The following MGAT4C variants were observed in gnomAD, a reference collection of about 807,000 sequenced individuals.
MGAT4C encodes the protein MGAT4 family member C.
A neutral mutation model predicts 40.1 loss-of-function variants in MGAT4C; 19 were observed. The ratio of observed to expected loss-of-function variants is 0.47; its 90% CI spans 0.33 to 0.70. The LOEUF (loss-of-function observed/expected upper bound fraction) is 0.70. Ranked by LOEUF, MGAT4C falls within the 30% of genes least tolerant of loss-of-function variation. The pLI, the probability that MGAT4C is intolerant of heterozygous loss-of-function variation, is 0.02. For synonymous variants in MGAT4C, 181 were observed against 187.1 expected (o/e 0.97, Z 0.27); for missense variants, 491 against 563.2 (o/e 0.87, Z 1.30).
intron 2 of MGAT4C, among the ~76,000 whole-genome samples, chr12:86,009,813 T>C (rs960534707): frequency 6.6e-6 from 1 of 152,240 alleles, no homozygotes; most frequent in Non-Finnish European, 1.5e-5. Context: ...ATTGTCTTGC[T>C]TTCTATCTTA....
Position 85,969,944 on chromosome 12 carries a change from G to C in MGAT4C, c.*9345C>G, listed in dbSNP as rs1883539917. ...TCACACAGTGTCTCATAGTTGCTTG[G>C]AACATATTTATGTAGTAAGCATTGT... On this transcript the variant is annotated 3_prime_UTR_variant, in exon 5 of 5. Transcript: ENST00000611864. 1 of 151,318 alleles carries C rather than the reference G, an allele frequency of 6.6e-6. No individual in the cohort carries two copies. The highest frequency in any genetic ancestry group is 1.5e-5 in the Non-Finnish European group (1 of 67,468). The allele number at this position is 151,318 out of a possible 1,614,324, so 9.4% of individuals were successfully genotyped here. A position where few individuals can be genotyped will look rare whatever the true frequency, so the allele number is the denominator to read the frequency against.
intron 1 of MGAT4C, among the ~76,000 whole-genome samples, chr12:86,230,756 C>G (rs1339695539): frequency 6.6e-6 from 1 of 152,124 alleles, no homozygotes; most frequent in East Asian, 1.9e-4. Flanking sequence ...GGAATTTCAC[C>G]TCTGCCACTT....
At chr12:86,731,011 A>G (rs1466702882) in intron 1 of MGAT4C, among the ~76,000 whole-genome samples, 2 of 152,114 alleles carry the variant, frequency 1.3e-5, no homozygotes, top group Non-Finnish European at 2.9e-5. Context: ...TTGGTCAACT[A>G]GTTAGTGAGT....
chr12:86,479,761 A>T (rs1182615936), intron 2 of MGAT4C, among the ~76,000 whole-genome samples: 1 of 151,896 alleles, frequency 6.6e-6, no homozygotes, highest in African/African-American at 2.4e-5. Context: ...TTTCAAAGTT[A>T]CCTACATCTA....
intron 2 of MGAT4C, among the ~76,000 whole-genome samples, chr12:86,576,177 A>G (rs1363711613): frequency 2.0e-5 from 3 of 151,800 alleles, no homozygotes; most frequent in Admixed American, 6.6e-5. Flanking sequence ...TGATTGGATT[A>G]TTAGATTTTT....
At chr12:86,447,838 CAA>C (rs951054434) in intron 2 of MGAT4C, among the ~76,000 whole-genome samples, 2 of 152,114 alleles carry the variant, frequency 1.3e-5, no homozygotes, top group African/African-American at 4.8e-5. Flanking sequence ...CTGATCTCTC[CAA>C]GTATACTCCT....
intron 1 of MGAT4C, among the ~76,000 whole-genome samples, chr12:86,806,358 T>C (rs551642033): frequency 3.0e-4 from 46 of 152,136 alleles, no homozygotes; most frequent in Admixed American, 9.8e-4. Flanking sequence ...AACTATATTA[T>C]AAAACAACAA....
chr12:86,791,742 G>A (rs1488479719), intron 1 of MGAT4C, among the ~76,000 whole-genome samples: 2 of 152,140 alleles, frequency 1.3e-5, no homozygotes, highest in African/African-American at 4.8e-5. Context: ...CTCAGCATTA[G>A]TTCCAGAAGT....
intron 2 of MGAT4C, among the ~76,000 whole-genome samples, chr12:86,603,692 CTATA>C (rs969613797): frequency 1.6e-5 from 2 of 124,856 alleles, no homozygotes; most frequent in Non-Finnish European, 1.6e-5. Flanking sequence ...TATATATAGA[CTATA>C]TATTATCTAT....
chr12:86,308,082 T>C (rs1203242654), intron 4 of MGAT4C, among the ~76,000 whole-genome samples: 1 of 148,682 alleles, frequency 6.7e-6, no homozygotes, highest in Non-Finnish European at 1.5e-5. Flanking sequence ...TTATGTTGTA[T>C]TATTTGTATT....
intron 2 of MGAT4C, among the ~76,000 whole-genome samples, chr12:86,521,684 T>C (rs2136359987): frequency 6.6e-6 from 1 of 152,194 alleles, no homozygotes. Flanking sequence ...ATCTATAAAT[T>C]GCTTTGGGCA....
intron 2 of MGAT4C, among the ~76,000 whole-genome samples, chr12:86,003,852 C>G (rs769346373): frequency 6.6e-6 from 1 of 151,950 alleles, no homozygotes; most frequent in Non-Finnish European, 1.5e-5. Context: ...TCTTGGATTA[C>G]AGTAAAAGGC....
At chr12:86,058,021 G>T (rs949810366) in intron 1 of MGAT4C, among the ~76,000 whole-genome samples, 1 of 151,928 alleles carries the variant, frequency 6.6e-6, no homozygotes, top group East Asian at 1.9e-4. Context: ...ACACTTCTTT[G>T]CTTAATGATT....
chr12:86,215,837 T>C (rs1386024846), intron 1 of MGAT4C, among the ~76,000 whole-genome samples: 2 of 152,076 alleles, frequency 1.3e-5, no homozygotes, highest in African/African-American at 4.8e-5. Flanking sequence ...CAAAGGTACC[T>C]GTCAGGCCCA....
chr12:86,653,958 A>G (rs1037018300), intron 2 of MGAT4C, among the ~76,000 whole-genome samples: 1 of 152,150 alleles, frequency 6.6e-6, no homozygotes, highest in African/African-American at 2.4e-5. Flanking sequence ...AAATTGAATA[A>G]GAAATGTGGT....
At chr12:86,692,443 T>C (rs1950187867) in intron 2 of MGAT4C, among the ~76,000 whole-genome samples, 1 of 152,172 alleles carries the variant, frequency 6.6e-6, no homozygotes, top group Non-Finnish European at 1.5e-5. Context: ...TATTGATAAA[T>C]TTAACACATA....
chr12:86,086,384 T>C (rs1054977938), intron 1 of MGAT4C, among the ~76,000 whole-genome samples: 2 of 151,774 alleles, frequency 1.3e-5, no homozygotes, highest in Non-Finnish European at 1.5e-5. Context: ...CCGGGGCCTT[T>C]TGCGGGTGGG....
intron 3 of MGAT4C, among the ~76,000 whole-genome samples, chr12:86,410,247 T>C (rs1956576411): frequency 6.6e-6 from 1 of 152,146 alleles, no homozygotes; most frequent in Non-Finnish European, 1.5e-5. Flanking sequence ...ATCTTTTCCC[T>C]ACCCTAATAA....
At chr12:86,024,167 C>T (rs1440864515) in intron 2 of MGAT4C, among the ~76,000 whole-genome samples, 1 of 151,678 alleles carries the variant, frequency 6.6e-6, no homozygotes, top group Non-Finnish European at 1.5e-5. Flanking sequence ...ATTAACCATC[C>T]CTTCTTTCCA....
Sources: allele counts gnomAD v4.1 joint callset (sites outside exome capture counted in the v4.1 genomes callset), GRCh38; gene constraint gnomAD v4.1.1; transcripts MANE v1.5; gene names NCBI Gene and HGNC (gene_info 2026-07-23, HGNC 2026-07-21).